DOCK7: variants seen among roughly 807,000 people sequenced by gnomAD.
DOCK7 encodes dedicator of cytokinesis protein 7.
Under a neutral mutation model 271.0 loss-of-function variants are expected in DOCK7, and 138 were observed. The ratio of observed to expected loss-of-function variants is 0.51; its 90% CI spans 0.44 to 0.59. DOCK7 has a LOEUF of 0.59. Ranked by LOEUF, DOCK7 falls within the 20% of genes least tolerant of loss-of-function variation. The pLI is 0.00. For synonymous variants in DOCK7, 823 were observed against 876.1 expected (o/e 0.94, Z 1.07); for missense variants, 2,066 against 2,592.4 (o/e 0.80, Z 4.41).
In DOCK7 at chr1:62,542,760, C is replaced by A. The variant is rs1043143297; in HGVS notation, c.2950-57G>T. 6.0e-6 allele frequency: 9 copies of A among 1,498,830 alleles called. No individual in the cohort carries two copies. The African/African-American group carries it at 1.2e-4, about 21-fold the overall frequency. The allele number at this position is 1,498,830 out of a possible 1,614,324, so 92.8% of individuals were successfully genotyped here. A position where few individuals can be genotyped will look rare whatever the true frequency, so the allele number is the denominator to read the frequency against. On this transcript the variant is annotated intron_variant, in intron 24 of 49. Transcript: ENST00000635253. ...AAGTCAAATCTGCTGATAACATAAA[C>A]CAAATCATAATGCAAATACAAACGA...
chr1:62,505,556 A>T, intron 36 of DOCK7, 126 bp downstream of exon 36: 2 of 1,084,150 alleles, frequency 1.8e-6, no homozygotes, highest in South Asian at 2.2e-5. Flanking sequence ...TATTATTTAA[A>T]TTTTAACTAC....
At chr1:62,462,914 CTTTTTTTTTTT>C (rs34400688) in intron 48 of DOCK7, among the ~76,000 whole-genome samples, 185 of 79,376 alleles carry the variant, frequency 2.3e-3, no homozygotes, top group Non-Finnish European at 3.3e-3. Flanking sequence ...GTAGAAAAAG[CTTTTTTTTTTT>C]TTTTTTTTTG....
chr1:62,631,317 G>C lies in DOCK7; in HGVS notation c.1205C>G (p.Ala402Gly). ...GCTAACAATATTCATTAAATGGATT[G>C]CAGTCCAAGCAAAAGGCATGCGATA... ...GKYRMPFAWT[A>G]IHLMNIVSSA... Residue 402 changes from alanine (A) to glycine (G), a missense_variant, in exon 11 of 50, where the codon GCA becomes GGA. Coordinates refer to ENST00000635253, the MANE Select transcript of DOCK7 (RefSeq NM_001367561.1). The C allele has an allele frequency of 5.6e-6, 9 of 1,613,382 alleles. No homozygotes were observed. Among genetic ancestry groups the C allele is most frequent in the Non-Finnish European group, 7.6e-6 (9 of 1,179,732 alleles).
At chr1:62,562,557 T>A (rs528016627) in intron 18 of DOCK7, among the ~76,000 whole-genome samples, 23 of 152,228 alleles carry the variant, frequency 1.5e-4, no homozygotes, top group African/African-American at 5.5e-4. Flanking sequence ...ATGTCAAAGT[T>A]ATTTCATAAA....
At chr1:62,504,255 T>G (rs1348842874) in intron 37 of DOCK7, among the ~76,000 whole-genome samples, 2 of 152,034 alleles carry the variant, frequency 1.3e-5, no homozygotes, top group Admixed American at 6.5e-5. Context: ...GAATATAACA[T>G]ATAATAAAAG....
chr1:62,476,243 A>T (rs1645965748), intron 44 of DOCK7, 87 bp from the exon 45 acceptor site: 1 of 906,828 alleles, frequency 1.1e-6, no homozygotes, highest in African/African-American at 1.7e-5. Context: ...GAGCAAAATT[A>T]GGAGAATTAG....
chr1:62,667,847 G>A (rs1323071520), intron 1 of DOCK7, among the ~76,000 whole-genome samples: 3 of 152,008 alleles, frequency 2.0e-5, no homozygotes, highest in Non-Finnish European at 4.4e-5. Context: ...GTGAAACCCC[G>A]TCTCTACGAA....
chr1:62,474,468 T>C (rs1387385206), intron 47 of DOCK7, among the ~76,000 whole-genome samples: 2 of 152,244 alleles, frequency 1.3e-5, no homozygotes, highest in Non-Finnish European at 2.9e-5. Flanking sequence ...TAAAACAGGT[T>C]CCCTCAGTAT....
At chr1:62,487,353 A>G (rs369841474) in intron 43 of DOCK7, 45 bp downstream of exon 43, 3 of 1,587,630 alleles carry the variant, frequency 1.9e-6, no homozygotes, top group Non-Finnish European at 2.6e-6. Context: ...GAAATCTGAT[A>G]AAATCAATCT....
intron 21 of DOCK7, among the ~76,000 whole-genome samples, 160 bp from the exon 22 acceptor site, chr1:62,553,061 A>T (rs1352186258): frequency 6.1e-5 from 7 of 114,618 alleles, no homozygotes; most frequent in African/African-American, 1.0e-4. Context: ...TTTGAGACAG[A>T]GTCTCTCTCT....
intron 38 of DOCK7, 43 bp downstream of exon 38, chr1:62,496,296 C>A (rs80077895): frequency 6.3e-7 from 1 of 1,588,692 alleles, no homozygotes; most frequent in Non-Finnish European, 8.5e-7. Flanking sequence ...GCCTATTTAA[C>A]AAGCCTATTT....
chr1:62,622,091 T>C (rs563420812), intron 12 of DOCK7, among the ~76,000 whole-genome samples: 2 of 152,320 alleles, frequency 1.3e-5, no homozygotes, highest in African/African-American at 4.8e-5. Flanking sequence ...ACAATTTAGT[T>C]TGCTCTCTCT....
intron 25 of DOCK7, among the ~76,000 whole-genome samples, chr1:62,540,694 G>A (rs1448289182): frequency 1.3e-5 from 2 of 152,096 alleles, no homozygotes; most frequent in African/African-American, 4.8e-5. Flanking sequence ...TAACACTGTG[G>A]TAATGGTAAC....
chr1:62,633,352 T>C lies in DOCK7; in HGVS notation c.1116+146A>G, dbSNP rs10889352. On this transcript the variant is annotated intron_variant, in intron 10 of 49. Coordinates refer to ENST00000635253, the MANE Select transcript of DOCK7 (RefSeq NM_001367561.1). ...TAGGAAGTGGGCAAACAGAAAAAAATATAGTACTAGTAAAATTCCTTAATA... is the reference window on the plus strand; with the variant it reads ...TAGGAAGTGGGCAAACAGAAAAAAACATAGTACTAGTAAAATTCCTTAATA... 0.32 allele frequency: 190,658 copies of C among 586,968 alleles called. 32,527 individuals are homozygous for C. The highest frequency in any genetic ancestry group is 0.43 in the South Asian group (15,321 of 35,246). 36.4% of individuals were successfully genotyped at this position (586,968 alleles called of 1,614,324 possible). A position where few individuals can be genotyped will look rare whatever the true frequency, so the allele number is the denominator to read the frequency against.
chr1:62,673,887 G>A (rs568583258), intron 1 of DOCK7, among the ~76,000 whole-genome samples: 4 of 150,992 alleles, frequency 2.6e-5, no homozygotes, highest in Non-Finnish European at 5.9e-5. Context: ...ACCTTGTACT[G>A]GAAGAGGGAG....
chr1:62,667,839 G>A (rs973715188), intron 1 of DOCK7, among the ~76,000 whole-genome samples: 1 of 152,110 alleles, frequency 6.6e-6, no homozygotes, highest in African/African-American at 2.4e-5. Context: ...CCAACATGGT[G>A]AAACCCCGTC....
intron 22 of DOCK7, among the ~76,000 whole-genome samples, chr1:62,551,537 T>G (rs1645905287): frequency 6.6e-6 from 1 of 152,088 alleles, no homozygotes; most frequent in Admixed American, 6.6e-5. Flanking sequence ...AAGAAGAGTT[T>G]CTTGAACTGC....
Position 62,604,113 on chromosome 1 carries a change from C to T in DOCK7, c.1682+14593G>A, listed in dbSNP as rs201014770. ...TTGGGAAATCACGAAACCAACTATA[C>T]GCTACATCTAGTTGCGATTACTGGC... On this transcript the variant is annotated intron_variant, in intron 14 of 49. Transcript: ENST00000635253. The T allele has an allele frequency of 2.9e-5, 46 of 1,613,274 alleles. No homozygotes were observed. The East Asian group carries it at 7.1e-4, about 25-fold the overall frequency.
At chr1:62,542,852 A>C (rs1318756421) in intron 24 of DOCK7, 149 bp from the exon 25 acceptor site, 7 of 589,642 alleles carry the variant, frequency 1.2e-5, no homozygotes, top group Non-Finnish European at 2.1e-5. Flanking sequence ...GACACCCATT[A>C]ACGAAACGGC....
Sources: gnomAD v4.1 joint callset for allele counts (sites outside exome capture counted in the v4.1 genomes callset) on GRCh38, gnomAD v4.1.1 for gene constraint, MANE v1.5 for transcripts, NCBI Gene and HGNC (gene_info 2026-07-23, HGNC 2026-07-21) for gene names.